GADL1: variants seen among roughly 807,000 people sequenced by gnomAD.
The protein encoded by GADL1 is acidic amino acid decarboxylase GADL1.
Under a neutral mutation model 69.5 loss-of-function variants are expected in GADL1, and 71 were observed. The observed-to-expected ratio is 1.02, with a 90% CI of 0.84 to 1.25. GADL1 has a LOEUF of 1.25. GADL1 is among the 50% of genes most tolerant of loss of function. GADL1 has a pLI of 0.00. For synonymous variants in GADL1, 254 were observed against 214.4 expected, an observed-to-expected ratio of 1.18 and a Z score of -1.62; for missense variants, 737 against 631.8, an observed-to-expected ratio of 1.17 and a Z score of -1.79.
At chr3:30,741,010 A>G (rs1575179845) in intron 14 of GADL1, among the ~76,000 whole-genome samples, 1 of 106,848 alleles carries the variant, frequency 9.4e-6, no homozygotes, top group Non-Finnish European at 1.9e-5. Context: ...AATATATATT[A>G]TATATTATAT....
chr3:30,894,533 C>CA lies in GADL1; in HGVS notation c.37+44dup, dbSNP rs1242167670. The CA allele has an allele frequency of 1.1e-5, 17 of 1,504,312 alleles. No individual in the cohort carries two copies. The East Asian group carries it at 3.7e-4, about 33-fold the overall frequency. 93.2% of individuals were successfully genotyped at this position (1,504,312 alleles called of 1,614,324 possible). A position where few individuals can be genotyped will look rare whatever the true frequency, so the allele number is the denominator to read the frequency against. ...AAAAATAAGGAGATTAAAACCCAGA[C>CA]AGGGGAGGTTAAGGACAAAAACCGC... On this transcript the variant is annotated intron_variant, in intron 1 of 14. Coordinates refer to ENST00000282538, the MANE Select transcript of GADL1 (RefSeq NM_207359.3).
rs528061966 is a variant in GADL1 at position 30,789,822 on chromosome 3, C to T, written c.1251-3416G>A. ...TATTCATCTTCCACACCTCTCTCAG[C>T]CTTCATAGAACTGGAGAAAGTTAGG... is the stretch of plus-strand genomic sequence containing the variant. On this transcript the variant is annotated intron_variant, in intron 12 of 14. Coordinates refer to ENST00000282538, the MANE Select transcript of GADL1 (RefSeq NM_207359.3). Among the ~76,000 whole-genome samples, 6 of 152,310 alleles carry T rather than the reference C, an allele frequency of 3.9e-5. No individual in the cohort carries two copies. In the South Asian group the frequency reaches 1.2e-3, roughly 32 times the overall value.
intron 12 of GADL1, among the ~76,000 whole-genome samples, chr3:30,788,965 C>T (rs1014793120): frequency 6.6e-6 from 1 of 152,142 alleles, no homozygotes; most frequent in Non-Finnish European, 1.5e-5. Context: ...AAAAGTCAAC[C>T]ATGAGAGTTG....
At chr3:30,815,329 C>T (rs1305219332) in intron 11 of GADL1, among the ~76,000 whole-genome samples, 2 of 151,938 alleles carry the variant, frequency 1.3e-5, no homozygotes, top group South Asian at 2.1e-4. Context: ...AGACAGTTCT[C>T]TCTGGTCGGT....
intron 6 of GADL1, among the ~76,000 whole-genome samples, chr3:30,847,978 A>G (rs890623221): frequency 3.3e-5 from 5 of 152,190 alleles, no homozygotes; most frequent in African/African-American, 4.8e-5. Context: ...AACCAAATGA[A>G]GAATGAAAAA....
intron 11 of GADL1, among the ~76,000 whole-genome samples, chr3:30,818,776 T>C (rs1697519414): frequency 6.6e-6 from 1 of 152,212 alleles, no homozygotes; most frequent in South Asian, 2.1e-4. Context: ...GTGTGAAATT[T>C]CCTTGTCCAA....
At position 30,891,025 on chromosome 3, in the gene GADL1, T is replaced by G. The variant is rs199545814; in HGVS notation, c.37+3553A>C. On this transcript the variant is annotated intron_variant, in intron 1 of 14. Transcript: ENST00000282538. ...ACAGGCTGTCGGCTAGAGTATTTAC[T>G]TTGCATTCTTCCTTCCTTCCTTCCT... 2.2e-4 allele frequency among the ~76,000 whole-genome samples: 31 copies of G among 139,492 alleles called. No homozygotes were observed. The East Asian group carries it at 6.6e-3, about 30-fold the overall frequency. 91.5% of individuals were successfully genotyped at this position (139,492 alleles called of 152,430 possible).
chr3:30,785,012 G>A (rs1264333404), intron 13 of GADL1, among the ~76,000 whole-genome samples: 1 of 152,104 alleles, frequency 6.6e-6, no homozygotes, highest in Non-Finnish European at 1.5e-5. Flanking sequence ...CGCATGGCTT[G>A]CTGTTTATCT....
chr3:30,871,877 A>T (rs1296003486), intron 1 of GADL1, among the ~76,000 whole-genome samples: 1 of 150,488 alleles, frequency 6.6e-6, no homozygotes, highest in Non-Finnish European at 1.5e-5. Flanking sequence ...TACATAGTAC[A>T]TCATAAACCC....
intron 12 of GADL1, 136 bp from the exon 13 acceptor site, chr3:30,786,542 C>CT: frequency 1.6e-6 from 1 of 624,336 alleles, no homozygotes; most frequent in South Asian, 1.9e-5. Flanking sequence ...ACAGGCAGAG[C>CT]TATGGATAGA....
At chr3:30,784,732 C>G (rs1028876835) in intron 13 of GADL1, among the ~76,000 whole-genome samples, 9 of 152,172 alleles carry the variant, frequency 5.9e-5, no homozygotes, top group African/African-American at 2.2e-4. Context: ...CTCATGACAT[C>G]AAGAATAATC....
intron 13 of GADL1, among the ~76,000 whole-genome samples, chr3:30,785,005 A>G (rs961344228): frequency 4.6e-5 from 7 of 152,164 alleles, no homozygotes; most frequent in African/African-American, 9.7e-5. Flanking sequence ...AAACATCCGC[A>G]TGGCTTGCTG....
rs1356408822 is a variant in GADL1 at position 30,741,363 on chromosome 3, T to C, written c.1393-12948A>G. On this transcript the variant is annotated intron_variant, in intron 14 of 14. Transcript: ENST00000282538. ...TTTTTTACCTTGCATAGAGATACACTCCTACATCCCCACATTTAACCAGTA... is the reference window on the plus strand; with the variant it reads ...TTTTTTACCTTGCATAGAGATACACCCCTACATCCCCACATTTAACCAGTA... Among the ~76,000 whole-genome samples the C allele has an allele frequency of 2.6e-5, 4 of 151,944 alleles. No individual in the cohort carries two copies. The East Asian group carries it at 7.7e-4, about 29-fold the overall frequency.
At chr3:30,874,111 G>T (rs1698542072) in intron 1 of GADL1, among the ~76,000 whole-genome samples, 1 of 151,918 alleles carries the variant, frequency 6.6e-6, no homozygotes, top group South Asian at 2.1e-4. Flanking sequence ...CAAATCTGGG[G>T]CCAGAGCTTG....
intron 11 of GADL1, among the ~76,000 whole-genome samples, chr3:30,803,366 T>G (rs1009737360): frequency 6.6e-6 from 1 of 152,090 alleles, no homozygotes; most frequent in Non-Finnish European, 1.5e-5. Flanking sequence ...TGCATGTACT[T>G]TAAGGACAAA....
chr3:30,790,795 G>T (rs1696896928), intron 12 of GADL1, among the ~76,000 whole-genome samples: 2 of 152,160 alleles, frequency 1.3e-5, no homozygotes, highest in East Asian at 3.9e-4. Context: ...GGGTATATAG[G>T]TATATTCCAT....
intron 11 of GADL1, among the ~76,000 whole-genome samples, chr3:30,818,193 A>G (rs941693201): frequency 6.6e-6 from 1 of 152,168 alleles, no homozygotes; most frequent in African/African-American, 2.4e-5. Flanking sequence ...GAAATGTGGA[A>G]TTAACACTGA....
intron 6 of GADL1, among the ~76,000 whole-genome samples, chr3:30,849,401 G>A (rs1471109449): frequency 2.0e-5 from 3 of 152,120 alleles, no homozygotes; most frequent in African/African-American, 7.2e-5. Flanking sequence ...ACTCACTCAA[G>A]GTTACTCAGA....
chr3:30,807,276 AC>A (rs1697272368), intron 11 of GADL1, among the ~76,000 whole-genome samples: 1 of 152,196 alleles, frequency 6.6e-6, no homozygotes. Context: ...ACAGAACAGA[AC>A]ATCAGCTCTA....
Sources: allele counts gnomAD v4.1 joint callset (sites outside exome capture counted in the v4.1 genomes callset), GRCh38; gene constraint gnomAD v4.1.1; transcripts MANE v1.5; gene names NCBI Gene and HGNC (gene_info 2026-07-23, HGNC 2026-07-21).